Variants in FAM171B observed in about 807,000 individuals in gnomAD.
The protein encoded by FAM171B is family with sequence similarity 171 member B, also known as protein FAM171B.
In FAM171B, 19 loss-of-function variants were observed where a neutral mutation model predicts 75.6. That is an observed-to-expected ratio of 0.25 (90% confidence interval 0.18 to 0.37). The LOEUF is 0.37. FAM171B is among the 10% of genes least tolerant of loss of function. The pLI is 1.00. For synonymous variants in FAM171B, 367 were observed against 361.7 expected, an observed-to-expected ratio of 1.01 and a Z score of -0.17; for missense variants, 848 against 982.4, an observed-to-expected ratio of 0.86 and a Z score of 1.83.
intron 1 of FAM171B, among the ~76,000 whole-genome samples, chr2:186,704,894 G>A (rs1191899867): frequency 6.6e-6 from 1 of 152,216 alleles, no homozygotes; most frequent in Non-Finnish European, 1.5e-5. Flanking sequence ...CTGTGGAGGA[G>A]GAAGGACCTC....
chr2:186,747,334 C>A, intron 4 of FAM171B, 84 bp downstream of exon 4: 1 of 875,904 alleles, frequency 1.1e-6, no homozygotes, highest in Non-Finnish European at 1.6e-6. Context: ...TCTATAATAG[C>A]TTATAATATA....
chr2:186,716,961 T>A (rs1034720964), intron 1 of FAM171B, among the ~76,000 whole-genome samples: 1 of 152,208 alleles, frequency 6.6e-6, no homozygotes, highest in Non-Finnish European at 1.5e-5. Flanking sequence ...GTGAGGTATA[T>A]CTGTTAGGCA....
chr2:186,765,509 A>C lies in FAM171B; in HGVS notation c.*2686A>C, dbSNP rs1690686658. 6.6e-6 allele frequency: 1 copy of C among 152,046 alleles called. No homozygotes were observed. The highest frequency in any genetic ancestry group is 6.6e-5 in the Admixed American group (1 of 15,226). The allele number at this position is 152,046 out of a possible 1,614,324, so 9.4% of individuals were successfully genotyped here. On this transcript the variant is annotated 3_prime_UTR_variant, in exon 8 of 8. Transcript: ENST00000304698. ...GGATTATGCCCTTTTATAATACATA[A>C]TATACCACAGAGATTACAAATGTTG...
At chr2:186,709,643 A>G (rs945824907) in intron 1 of FAM171B, among the ~76,000 whole-genome samples, 1 of 152,104 alleles carries the variant, frequency 6.6e-6, no homozygotes, top group Non-Finnish European at 1.5e-5. Flanking sequence ...CACGAATACA[A>G]CACAGACCAG....
intron 6 of FAM171B, among the ~76,000 whole-genome samples, chr2:186,754,630 A>T (rs966396904): frequency 3.9e-5 from 6 of 152,096 alleles, no homozygotes; most frequent in African/African-American, 1.4e-4. Context: ...TTTGGGTCTC[A>T]AGCACACATG....
At chr2:186,703,951 G>A (rs983625898) in intron 1 of FAM171B, among the ~76,000 whole-genome samples, 4 of 152,068 alleles carry the variant, frequency 2.6e-5, no homozygotes, top group South Asian at 2.1e-4. Flanking sequence ...TAAGTAAAAC[G>A]AACCATTCAT....
intron 1 of FAM171B, among the ~76,000 whole-genome samples, chr2:186,724,550 A>G (rs556045424): frequency 1.3e-5 from 2 of 152,352 alleles, no homozygotes; most frequent in East Asian, 1.9e-4. Flanking sequence ...AGTATAACCT[A>G]TCAAAGGACA....
At chr2:186,723,163 A>G (rs868149022) in intron 1 of FAM171B, among the ~76,000 whole-genome samples, 56 of 152,312 alleles carry the variant, frequency 3.7e-4, no homozygotes, top group African/African-American at 1.3e-3. Flanking sequence ...CACTTAATTC[A>G]TCCCCAAGGG....
chr2:186,744,763 G>T (rs983974219), intron 3 of FAM171B, among the ~76,000 whole-genome samples: 1 of 151,618 alleles, frequency 6.6e-6, no homozygotes, highest in Non-Finnish European at 1.5e-5. Flanking sequence ...CTGACCTCTG[G>T]TGATCCACTC....
At chr2:186,729,645 C>A (rs1162338187) in intron 1 of FAM171B, among the ~76,000 whole-genome samples, 1 of 152,126 alleles carries the variant, frequency 6.6e-6, no homozygotes, top group African/African-American at 2.4e-5. Flanking sequence ...TTTGACCAGG[C>A]TTTCAGCTGA....
In FAM171B at chr2:186,731,844, C is replaced by G. The variant is rs180872090; in HGVS notation, c.239-8384C>G. Among the ~76,000 whole-genome samples the G allele has an allele frequency of 3.9e-5, 6 of 152,160 alleles. No homozygotes were observed. In the East Asian group the frequency reaches 1.2e-3, roughly 30 times the overall value. On this transcript the variant is annotated intron_variant, in intron 1 of 7. Transcript: ENST00000304698. ...TTAGTTTCTCATAGGAGCATGAACC[C>G]TATTTTGAACTGAGCATGTGAGGGA...
chr2:186,740,235 A>T lies in FAM171B; in HGVS notation c.246A>T (p.Val82=). The change falls in exon 2 of 8, where the codon GTA becomes GTT. Residue 82 remains valine (V), a synonymous_variant. Transcript: ENST00000304698. The part of the protein sequence containing the change: ...ATSTLTVPVS[V]FMLKVQVNDI... ...CTACCTTTTTCTCTCCAGTGTCTGT[A>T]TTTATGTTGAAAGTCCAGGTGAATG... is the stretch of plus-strand genomic sequence containing the variant. 1 of 1,613,244 alleles carries T rather than the reference A, an allele frequency of 6.2e-7. No homozygotes were observed. Among genetic ancestry groups the T allele is most frequent in the South Asian group, 1.1e-5 (1 of 91,036 alleles).
intron 5 of FAM171B, among the ~76,000 whole-genome samples, chr2:186,752,570 T>A (rs1690471729): frequency 6.6e-6 from 1 of 152,168 alleles, no homozygotes; most frequent in Non-Finnish European, 1.5e-5. Flanking sequence ...AATGAGGAAG[T>A]CGTGTTAAGG....
chr2:186,726,844 A>G (rs1325769529), intron 1 of FAM171B, among the ~76,000 whole-genome samples: 3 of 152,216 alleles, frequency 2.0e-5, no homozygotes, highest in Non-Finnish European at 4.4e-5. Flanking sequence ...TGTAATTATT[A>G]TAGTAATGTA....
At position 186,694,254 on chromosome 2, in the gene FAM171B, C is replaced by T. The variant is rs1332787375; in HGVS notation, c.81C>T (p.Pro27=). 3 of 1,611,078 alleles carry T rather than the reference C, an allele frequency of 1.9e-6. No individual in the cohort carries two copies. Among genetic ancestry groups the T allele is most frequent in the Admixed American group, 1.7e-5 (1 of 59,964 alleles). ...TGCTGCTGAAAGCGCGGCTGGTCCC[C>T]GCGGCCGCCAGAGCGGAACTCAGCC... The part of the protein sequence containing the change: ...AVVLLKARLV[P]AAARAELSRS... Residue 27 remains proline, a synonymous_variant, in exon 1 of 8, where the codon CCC becomes CCT. Transcript: ENST00000304698.
At chr2:186,697,513 C>T (rs568590862) in intron 1 of FAM171B, among the ~76,000 whole-genome samples, 50 of 152,282 alleles carry the variant, frequency 3.3e-4, no homozygotes, top group Non-Finnish European at 6.5e-4. Context: ...CTCAGCCTCC[C>T]AAAATGTTGG....
At chr2:186,748,920 G>T (rs1249704539) in intron 4 of FAM171B, among the ~76,000 whole-genome samples, 1 of 152,082 alleles carries the variant, frequency 6.6e-6, no homozygotes, top group African/African-American at 2.4e-5. Context: ...GCTGGAGGAT[G>T]TTCATGGACA....
intron 1 of FAM171B, among the ~76,000 whole-genome samples, chr2:186,707,888 T>G (rs1003869153): frequency 1.3e-5 from 2 of 151,844 alleles, no homozygotes; most frequent in Non-Finnish European, 2.9e-5. Context: ...TGAGCTAGGT[T>G]CCTCTGTTAT....
chr2:186,764,463 C>T lies in FAM171B; in HGVS notation c.*1640C>T, dbSNP rs1293810495. 6.0e-5 allele frequency: 5 copies of T among 83,056 alleles called. No homozygotes were observed. The highest frequency in any genetic ancestry group is 9.3e-5 in the African/African-American group (2 of 21,552). 5.1% of individuals were successfully genotyped at this position (83,056 alleles called of 1,614,324 possible). On this transcript the variant is annotated 3_prime_UTR_variant, in exon 8 of 8. Transcript: ENST00000304698. Reference sequence around the variant, plus strand: ...ATGTTTTGGGTAATACCTAGGCTTCCTTTTTTTTTTTTTTTTTTTTTTTTT... The same window carrying T: ...ATGTTTTGGGTAATACCTAGGCTTCTTTTTTTTTTTTTTTTTTTTTTTTTT...
Sources: allele counts gnomAD v4.1 joint callset (sites outside exome capture counted in the v4.1 genomes callset), GRCh38; gene constraint gnomAD v4.1.1; transcripts MANE v1.5; gene names NCBI Gene and HGNC (gene_info 2026-07-23, HGNC 2026-07-21).